Variants in CES5A observed in about 807,000 individuals in gnomAD.
The protein encoded by CES5A is carboxylesterase 5.
In CES5A, 67 loss-of-function variants were observed where a neutral mutation model predicts 62.9. That is an observed-to-expected ratio of 1.07 (90% CI 0.88 to 1.31). The LOEUF (loss-of-function observed/expected upper bound fraction) is 1.31, where lower values mean the gene tolerates loss of function less well. CES5A is among the 50% of genes most tolerant of loss of function. The pLI, the probability that CES5A is intolerant of heterozygous loss-of-function variation, is 0.00. For missense variants in CES5A, 748 were observed against 708.5 expected, an observed-to-expected ratio of 1.06 and a Z score of -0.63; for synonymous variants, 296 against 280.8, an observed-to-expected ratio of 1.05 and a Z score of -0.54.
intron 1 of CES5A, among the ~76,000 whole-genome samples, chr16:55,910,953 C>T (rs998781346): frequency 3.9e-5 from 6 of 152,144 alleles, no homozygotes; most frequent in African/African-American, 1.4e-4. Context: ...CCTGGCCTGC[C>T]CTAAAGCCTG....
chr16:55,869,318 C>T (rs1333443131), intron 4 of CES5A, among the ~76,000 whole-genome samples: 9 of 152,234 alleles, frequency 5.9e-5, no homozygotes, highest in Non-Finnish European at 1.2e-4. Flanking sequence ...GAATCCACAT[C>T]AGAGCTCAAG....
chr16:55,876,246 A>G (rs926725173), upstream of CES5A, among the ~76,000 whole-genome samples: 1 of 152,138 alleles, frequency 6.6e-6, no homozygotes, highest in Non-Finnish European at 1.5e-5. Context: ...ATTGACTATC[A>G]ATTTACTTGA....
intron 1 of CES5A, among the ~76,000 whole-genome samples, chr16:55,921,221 C>T (rs1269422325): frequency 1.3e-5 from 2 of 151,898 alleles, no homozygotes; most frequent in African/African-American, 4.8e-5. Flanking sequence ...AAAAACTTCC[C>T]CAAATTTGAG....
At chr16:55,857,976 C>T (rs1336826298) in intron 8 of CES5A, among the ~76,000 whole-genome samples, 1 of 152,178 alleles carries the variant, frequency 6.6e-6, no homozygotes, top group South Asian at 2.1e-4. Flanking sequence ...AGGTGGATCA[C>T]TTGAGGTCAG....
Position 55,907,841 on chromosome 16 carries a change from C to A in CES5A, c.-256+17482G>T, listed in dbSNP as rs571523801. Among the ~76,000 whole-genome samples the A allele has an allele frequency of 5.9e-5, 9 of 152,116 alleles. No homozygotes were observed. In the South Asian group the frequency reaches 1.9e-3, roughly 32 times the overall value. ...ACTGTCCCTTCTTGTGACTGATGAG[C>A]GGGTCTGTGGAATTAATGAGGAAAT... On this transcript the variant is annotated intron_variant, in intron 1 of 12. Coordinates refer to the CES5A transcript ENST00000518005.
chr16:55,925,434 A>T (rs1655720982), exon 1 of CES5A: 1 of 152,114 alleles, frequency 6.6e-6, no homozygotes, highest in South Asian at 2.1e-4. Flanking sequence ...TAGCACAGCC[A>T]TTATGGAGAA....
intron 1 of CES5A, among the ~76,000 whole-genome samples, chr16:55,894,213 T>C (rs1483063323): frequency 6.6e-6 from 1 of 151,790 alleles, no homozygotes; most frequent in African/African-American, 2.4e-5. Flanking sequence ...AGACCCACAC[T>C]GTAAGGAATA....
chr16:55,858,537 G>A (rs2033289134), intron 8 of CES5A, among the ~76,000 whole-genome samples: 1 of 152,138 alleles, frequency 6.6e-6, no homozygotes, highest in South Asian at 2.1e-4. Context: ...TGCAACATGA[G>A]GACAAAAATC....
upstream of CES5A, among the ~76,000 whole-genome samples, chr16:55,876,172 G>GT (rs1210560719): frequency 6.6e-6 from 1 of 152,116 alleles, no homozygotes; most frequent in Non-Finnish European, 1.5e-5. Flanking sequence ...CTTGTGCCCT[G>GT]TGGCTTCCCA....
intron 4 of CES5A, among the ~76,000 whole-genome samples, chr16:55,868,486 T>C (rs72808101): frequency 0.19 from 29,667 of 152,160 alleles, 3,441 homozygotes; most frequent in Middle Eastern, 0.29. Flanking sequence ...AACTCCAATG[T>C]CACCCCTCTC....
intron 9 of CES5A, among the ~76,000 whole-genome samples, chr16:55,853,429 G>A (rs1352988509): frequency 6.6e-5 from 10 of 152,164 alleles, no homozygotes; most frequent in Admixed American, 1.3e-4. Context: ...TGGTAACAGC[G>A]GAGCACTAAA....
Position 55,869,804 on chromosome 16 carries a change from A to T in CES5A, c.418-60T>A, listed in dbSNP as rs550867880. On this transcript the variant is annotated intron_variant, in intron 3 of 12. Transcript: ENST00000290567. ...CAGGCACCACCTCCCCTCCCCATGC[A>T]GTTTGAGGCACACGTTCTTAAGGTG... 2.1e-4 allele frequency: 330 copies of T among 1,536,248 alleles called. 2 individuals are homozygous for T. The African/African-American group carries it at 4.2e-3, about 20-fold the overall frequency.
At position 55,892,805 on chromosome 16, in the gene CES5A, T is replaced by A. The variant is rs1159009004; in HGVS notation, c.-255-18768A>T. Among the ~76,000 whole-genome samples the A allele has an allele frequency of 2.0e-5, 3 of 152,052 alleles. No individual in the cohort carries two copies. The East Asian group carries it at 5.8e-4, about 29-fold the overall frequency. On this transcript the variant is annotated intron_variant, in intron 1 of 12. Transcript: ENST00000518005. ...AACTATGGACACAGAGAAACCTAACTGAGCTAAATTCCACAGAGGGAACAA... is the reference window on the plus strand; with the variant it reads ...AACTATGGACACAGAGAAACCTAACAGAGCTAAATTCCACAGAGGGAACAA...
chr16:55,871,043 C>A (rs1445223969), intron 3 of CES5A, among the ~76,000 whole-genome samples: 1 of 152,134 alleles, frequency 6.6e-6, no homozygotes, highest in Non-Finnish European at 1.5e-5. Flanking sequence ...GGAGTTAAAT[C>A]AGATCATGTA....
intron 1 of CES5A, among the ~76,000 whole-genome samples, chr16:55,899,096 C>T (rs1481158253): frequency 1.3e-5 from 2 of 152,162 alleles, no homozygotes; most frequent in African/African-American, 4.8e-5. Flanking sequence ...TGTTTACCAC[C>T]AGCAAAGCAT....
chr16:55,859,540 T>TG lies in CES5A; in HGVS notation c.1056+6_1056+7insC. Reference sequence around the variant, plus strand: ...GGAGTGGCAGTATGGACAGCCAGAATTCTTACCATAGGCAGCAGGAAGCCA... The same window carrying TG: ...GGAGTGGCAGTATGGACAGCCAGAATGTCTTACCATAGGCAGCAGGAAGCCA... On this transcript the variant is annotated splice_region_variant and intron_variant, in intron 8 of 12. Coordinates refer to ENST00000290567, the MANE Select transcript of CES5A (RefSeq NM_001143685.2). 6 of 1,610,352 alleles carry TG rather than the reference T, an allele frequency of 3.7e-6. No individual in the cohort carries two copies. The highest frequency in any genetic ancestry group is 5.1e-6 in the Non-Finnish European group (6 of 1,179,230).
At chr16:55,951,747 A>G (rs75662418) in intron 1 of CES5A, among the ~76,000 whole-genome samples, 1,713 of 152,316 alleles carry the variant, frequency 0.011, 51 homozygotes, top group East Asian at 0.095. Context: ...TAGAGACGAT[A>G]TCTCAGCCAT....
At chr16:55,931,427 T>C (rs2034310730) in intron 2 of CES5A, among the ~76,000 whole-genome samples, 1 of 152,224 alleles carries the variant, frequency 6.6e-6, no homozygotes, top group Non-Finnish European at 1.5e-5. Flanking sequence ...ACTCAGTCAA[T>C]GACAGCCTAC....
At chr16:55,944,333 T>C (rs1296449133) in intron 2 of CES5A, 3 of 551,058 alleles carry the variant, frequency 5.4e-6, no homozygotes, top group African/African-American at 1.9e-5. Flanking sequence ...GGTAAGAACA[T>C]GCTTTGAACA....
Sources: allele counts gnomAD v4.1 joint callset (sites outside exome capture counted in the v4.1 genomes callset), GRCh38; gene constraint gnomAD v4.1.1; transcripts MANE v1.5; gene names NCBI Gene and HGNC (gene_info 2026-07-23, HGNC 2026-07-21).